Variants in CYLD observed in about 807,000 individuals in gnomAD.
CYLD encodes the protein ubiquitin carboxyl-terminal hydrolase CYLD.
CYLD carries 26 observed loss-of-function variants against 104.5 expected under a neutral mutation model. That is an observed-to-expected ratio of 0.25 (90% confidence interval 0.18 to 0.35). The LOEUF is 0.35. Ranked by LOEUF, CYLD falls within the 10% of genes least tolerant of loss-of-function variation. CYLD has a pLI of 1.00. For synonymous variants in CYLD, 385 were observed against 399.9 expected, an observed-to-expected ratio of 0.96 and a Z score of 0.45; for missense variants, 703 against 1,136.1, an observed-to-expected ratio of 0.62 and a Z score of 5.48.
At chr16:50,753,064 G>A (rs1444354668) in intron 4 of CYLD, among the ~76,000 whole-genome samples, 1 of 152,062 alleles carries the variant, frequency 6.6e-6, no homozygotes, top group East Asian at 1.9e-4. Context: ...ATCTGCTCAG[G>A]TATACTTTTT....
At chr16:50,792,379 C>T (rs966913368) in intron 15 of CYLD, among the ~76,000 whole-genome samples, 5 of 152,156 alleles carry the variant, frequency 3.3e-5, no homozygotes, top group Non-Finnish European at 5.9e-5. Flanking sequence ...TCTGTGACCT[C>T]TAGGTGCTGG....
intron 1 of CYLD, chr16:50,742,495 A>G (rs1965781408): frequency 3.5e-6 from 1 of 286,642 alleles, no homozygotes; most frequent in Admixed American, 5.2e-5. Context: ...CGGGACCCCC[A>G]GAGGAGAGAG....
At chr16:50,774,106 T>C (rs1969420460) in intron 5 of CYLD, among the ~76,000 whole-genome samples, 1 of 152,250 alleles carries the variant, frequency 6.6e-6, no homozygotes, top group South Asian at 2.1e-4. Context: ...ACTAACTATA[T>C]AATGGATCTA....
intron 5 of CYLD, among the ~76,000 whole-genome samples, chr16:50,771,245 C>T (rs922118368): frequency 6.6e-6 from 1 of 152,176 alleles, no homozygotes; most frequent in Non-Finnish European, 1.5e-5. Flanking sequence ...GGACATTTCA[C>T]ATAAATAGAA....
At position 50,791,703 on chromosome 16, in the gene CYLD, C is replaced by T; in HGVS notation, c.2241+13C>T. 2 of 1,612,642 alleles carry T rather than the reference C, an allele frequency of 1.2e-6. No individual in the cohort carries two copies. Among genetic ancestry groups the T allele is most frequent in the South Asian group, 1.1e-5 (1 of 91,044 alleles). On this transcript the variant is annotated intron_variant, in intron 15 of 18. Transcript: ENST00000427738. ...GAAATTTGCAGAGGTTAGTGATACTCACCTGTGGTATTTTATGTGAAAGTC... is the reference window on the plus strand; with the variant it reads ...GAAATTTGCAGAGGTTAGTGATACTTACCTGTGGTATTTTATGTGAAAGTC...
In CYLD at chr16:50,755,015, GTA is replaced by G. The variant is rs1286736443; in HGVS notation, c.913+598_913+599del. Among the ~76,000 whole-genome samples, 6 of 8,372 alleles carry G rather than the reference GTA, an allele frequency of 7.2e-4. 1 individual carries two copies. Among genetic ancestry groups the G allele is most frequent in the Middle Eastern group, 0.071 (1 of 14 alleles). 5.5% of individuals were successfully genotyped at this position (8,372 alleles called of 152,430 possible). A position where few individuals can be genotyped will look rare whatever the true frequency, so the allele number is the denominator to read the frequency against. ...TATATATGTATATATACATATATAT[GTA>G]TATATACATATATATGTATATATAC... is the stretch of plus-strand genomic sequence containing the variant. On this transcript the variant is annotated intron_variant, in intron 5 of 18. Coordinates refer to ENST00000427738, the MANE Select transcript of CYLD (RefSeq NM_001378743.1).
At chr16:50,771,881 A>G (rs148950631) in intron 5 of CYLD, among the ~76,000 whole-genome samples, 30 of 152,088 alleles carry the variant, frequency 2.0e-4, no homozygotes, top group African/African-American at 6.7e-4. Flanking sequence ...ATGTGGGTCT[A>G]TTTCTTGGTT....
In CYLD at chr16:50,786,822, C is replaced by A. The variant is rs764296840; in HGVS notation, c.1950-33C>A. ...GATGTGTTATATAATTTAATACATG[C>A]CAATATCAATTAATAGTTTTTTACT... On this transcript the variant is annotated intron_variant, in intron 12 of 18. Coordinates refer to ENST00000427738, the MANE Select transcript of CYLD (RefSeq NM_001378743.1). The A allele has an allele frequency of 2.7e-5, 38 of 1,392,180 alleles. No homozygotes were observed. In the East Asian group the frequency reaches 7.5e-4, roughly 28 times the overall value. The allele number at this position is 1,392,180 out of a possible 1,614,324, so 86.2% of individuals were successfully genotyped here.
chr16:50,748,377 A>G (rs1966367979), intron 2 of CYLD, among the ~76,000 whole-genome samples: 2 of 152,116 alleles, frequency 1.3e-5, no homozygotes, highest in African/African-American at 4.8e-5. Flanking sequence ...AAAGATTATT[A>G]TTCTTGTAAA....
chr16:50,794,537 C>A lies in CYLD; in HGVS notation c.2686+109C>A. 4 of 1,056,828 alleles carry A rather than the reference C, an allele frequency of 3.8e-6. No homozygotes were observed. The highest frequency in any genetic ancestry group is 4.4e-6 in the Non-Finnish European group (3 of 682,410). The allele number at this position is 1,056,828 out of a possible 1,614,324, so 65.5% of individuals were successfully genotyped here. A position where few individuals can be genotyped will look rare whatever the true frequency, so the allele number is the denominator to read the frequency against. ...GTGATATTTTCTGAGAAAATCCTTTCAGGATTATTCTGGTGACAACAGTCT... is the reference window on the plus strand; with the variant it reads ...GTGATATTTTCTGAGAAAATCCTTTAAGGATTATTCTGGTGACAACAGTCT... On this transcript the variant is annotated intron_variant, in intron 18 of 18. Transcript: ENST00000427738. The surrounding 1 kb of genome is among the most constrained non-coding windows in gnomAD (Gnocchi z 4.1).
At chr16:50,776,127 C>A in intron 6 of CYLD, 52 bp from the exon 7 acceptor site, 1 of 1,277,232 alleles carries the variant, frequency 7.8e-7, no homozygotes, top group Non-Finnish European at 1.1e-6. Context: ...TTCCTTGTTT[C>A]TCTTCTATAA....
chr16:50,794,138 G>A lies in CYLD; in HGVS notation c.2470-74G>A. On this transcript the variant is annotated intron_variant, in intron 17 of 18. Transcript: ENST00000427738. This position sits in a 1 kb window ranked among gnomAD's most constrained non-coding sequence, Gnocchi z 4.1. ...AGACAGGGTTTCACCATCTTGATCA[G>A]GCTGGTCTTGAACTCCTGACCTCGT... 1 of 1,337,094 alleles carries A rather than the reference G, an allele frequency of 7.5e-7. No individual in the cohort carries two copies. 82.8% of individuals were successfully genotyped at this position (1,337,094 alleles called of 1,614,324 possible). A position where few individuals can be genotyped will look rare whatever the true frequency, so the allele number is the denominator to read the frequency against.
intron 5 of CYLD, among the ~76,000 whole-genome samples, chr16:50,758,163 C>T (rs748594749): frequency 3.3e-5 from 5 of 152,108 alleles, no homozygotes; most frequent in Admixed American, 1.3e-4. Flanking sequence ...CGGGATTTTT[C>T]GATTTCATGT....
intron 12 of CYLD, chr16:50,785,496 T>C (rs1970714871): frequency 6.6e-6 from 1 of 152,226 alleles, no homozygotes; most frequent in African/African-American, 2.4e-5. Context: ...GATTTTCACA[T>C]CAACTATTTT....
chr16:50,771,044 C>T (rs1969091465), intron 5 of CYLD, among the ~76,000 whole-genome samples: 1 of 152,144 alleles, frequency 6.6e-6, no homozygotes, highest in East Asian at 1.9e-4. Context: ...TTTAGCTCTA[C>T]ATATGGAAGA....
chr16:50,781,160 T>C, intron 9 of CYLD, 86 bp from the exon 10 acceptor site: 2 of 1,458,868 alleles, frequency 1.4e-6, no homozygotes, highest in Non-Finnish European at 1.9e-6. Flanking sequence ...AAGGGTATAC[T>C]AGAAACAGGT....
chr16:50,755,108 C>A (rs1361792872), intron 5 of CYLD, among the ~76,000 whole-genome samples: 4 of 124,464 alleles, frequency 3.2e-5, no homozygotes, highest in East Asian at 4.3e-4. Context: ...CATATATACA[C>A]ACATATACAC....
At chr16:50,769,155 G>A (rs903188905) in intron 5 of CYLD, among the ~76,000 whole-genome samples, 7 of 151,942 alleles carry the variant, frequency 4.6e-5, no homozygotes, top group Non-Finnish European at 1.0e-4. Flanking sequence ...ATTTGTGTAC[G>A]AATCTTTGTA....
At chr16:50,759,129 TAC>T (rs1967623772) in intron 5 of CYLD, among the ~76,000 whole-genome samples, 1 of 152,094 alleles carries the variant, frequency 6.6e-6, no homozygotes, top group East Asian at 1.9e-4. Context: ...TAGTCCCAGC[TAC>T]TCAGGAGGCT....
Sources: allele counts gnomAD v4.1 joint callset (sites outside exome capture counted in the v4.1 genomes callset), GRCh38; gene constraint gnomAD v4.1.1; non-coding constraint Gnocchi (gnomAD v3.1); transcripts MANE v1.5; gene names NCBI Gene and HGNC (gene_info 2026-07-23, HGNC 2026-07-21).